The following PKHD1 variants were observed in gnomAD, a reference collection of about 807,000 sequenced individuals.
The protein encoded by PKHD1 is fibrocystin.
In PKHD1, 291 loss-of-function variants were observed where a neutral mutation model predicts 412.0. The observed-to-expected ratio is 0.71, with a 90% confidence interval of 0.64 to 0.78. The LOEUF (loss-of-function observed/expected upper bound fraction) is 0.78. Ranked by LOEUF, PKHD1 falls within the 30% of genes least tolerant of loss-of-function variation. The pLI is 0.00. For synonymous variants in PKHD1, 1,777 were observed against 1,821.5 expected (o/e 0.98, Z 0.62); for missense variants, 4,825 against 4,950.7 (o/e 0.97, Z 0.76).
At chr6:51,950,220 A>AAAAAAAAAAAAAAAAAAAATAT in intron 36 of PKHD1, among the ~76,000 whole-genome samples, 6 of 98,294 alleles carry the variant, frequency 6.1e-5, no homozygotes, top group African/African-American at 2.3e-4. Flanking sequence ...GAAAAAAAAA[A>AAAAAAAAAAAAAAAAAAAATAT]ATATATATAT....
chr6:51,911,671 T>C (rs1782955654), intron 39 of PKHD1, 128 bp downstream of exon 39: 1 of 798,388 alleles, frequency 1.3e-6, no homozygotes, highest in Non-Finnish European at 2.2e-6. Context: ...TACAGAAAAG[T>C]ATGGGCATCC....
chr6:51,650,388 T>C (rs1399896346), intron 61 of PKHD1, among the ~76,000 whole-genome samples: 4 of 152,100 alleles, frequency 2.6e-5, no homozygotes, highest in Admixed American at 2.0e-4. Flanking sequence ...GACCCTGACA[T>C]AGAGCAACCC....
At chr6:51,964,157 G>T (rs2127966431) in intron 35 of PKHD1, among the ~76,000 whole-genome samples, 2 of 152,228 alleles carry the variant, frequency 1.3e-5, no homozygotes, top group Middle Eastern at 6.8e-3. Context: ...CAGGGAATGT[G>T]CAGTGTCTGC....
At chr6:51,635,340 G>A (rs1257499394) in intron 64 of PKHD1, among the ~76,000 whole-genome samples, 4 of 152,114 alleles carry the variant, frequency 2.6e-5, no homozygotes, top group African/African-American at 7.2e-5. Flanking sequence ...GTGACCAGGC[G>A]AAATTATCTA....
rs79249862 is a variant in PKHD1, at chr6:51,791,959, T to A, written c.8303-586A>T. On this transcript the variant is annotated intron_variant, in intron 52 of 66. Transcript: ENST00000371117. ...GTGGTTATACAATGTTAGTAAGCTA[T>A]CTCTAATTCCCTAAGTCCCATTGTG... Among the ~76,000 whole-genome samples, 204 of 152,200 alleles carry A rather than the reference T, an allele frequency of 1.3e-3. 2 individuals carry two copies. In the East Asian group the frequency reaches 0.038, roughly 28 times the overall value.
At chr6:51,793,752 T>C (rs1042768734) in intron 52 of PKHD1, among the ~76,000 whole-genome samples, 5 of 152,336 alleles carry the variant, frequency 3.3e-5, no homozygotes, top group Admixed American at 3.3e-4. Flanking sequence ...ATGTACCACA[T>C]TTTCTGTATC....
chr6:51,808,357 G>A (rs760453491), intron 52 of PKHD1, among the ~76,000 whole-genome samples: 17 of 152,006 alleles, frequency 1.1e-4, no homozygotes, highest in Non-Finnish European at 2.4e-4. Flanking sequence ...TGGAAGACAT[G>A]GGTGAAGGGA....
chr6:51,636,149 T>A (rs2150317265), intron 64 of PKHD1, among the ~76,000 whole-genome samples: 1 of 152,308 alleles, frequency 6.6e-6, no homozygotes, highest in South Asian at 2.1e-4. Context: ...CCATAAATAC[T>A]TGGGCAGATC....
At position 51,619,124 on chromosome 6, in the gene PKHD1, C is replaced by T. The variant is rs1766288979; in HGVS notation, c.12182G>A (p.Cys4061Tyr). ...KASCGATEAF[C>Y]LHSVHPETIQ... The stretch of plus-strand genomic sequence containing the variant: ...AGTTTCCGGGTGTACTGAATGAAGG[C>T]AGAATGCCTCAGTGGCCCCGCAGGA... The change falls in exon 67 of 67, where the codon TGC (cysteine) becomes TAC (tyrosine). Residue 4061 changes from cysteine to tyrosine, a missense_variant. Coordinates refer to ENST00000371117, the MANE Select transcript of PKHD1 (RefSeq NM_138694.4). The T allele has an allele frequency of 6.2e-7, 1 of 1,614,256 alleles. No individual in the cohort carries two copies. Among genetic ancestry groups the T allele is most frequent in the Non-Finnish European group, 8.5e-7 (1 of 1,180,030 alleles).
At chr6:51,883,461 CA>C (rs1777706072) in intron 45 of PKHD1, among the ~76,000 whole-genome samples, 1 of 152,250 alleles carries the variant, frequency 6.6e-6, no homozygotes, top group Admixed American at 6.5e-5. Flanking sequence ...ATAACCAATA[CA>C]TTAAAAAGAT....
chr6:51,832,913 AC>A (rs1768517379), intron 51 of PKHD1, among the ~76,000 whole-genome samples: 2 of 152,134 alleles, frequency 1.3e-5, no homozygotes, highest in Non-Finnish European at 2.9e-5. Context: ...TATACCACAC[AC>A]CTTGGGAATA....
intron 35 of PKHD1, among the ~76,000 whole-genome samples, chr6:51,988,337 TATA>T (rs1339277288): frequency 1.3e-5 from 2 of 152,174 alleles, no homozygotes; most frequent in African/African-American, 2.4e-5. Context: ...TTATTTTAAA[TATA>T]ATATCTCAAA....
Position 51,787,146 on chromosome 6 carries a change from T to C in PKHD1, c.8440+4090A>G, listed in dbSNP as rs9367453. Among the ~76,000 whole-genome samples the C allele has an allele frequency of 8.0e-4, 122 of 151,574 alleles. 1 individual carries two copies. Among genetic ancestry groups the C allele is most frequent in the Admixed American group, 8.0e-3 (122 of 15,242 alleles). On this transcript the variant is annotated intron_variant, in intron 53 of 66. Coordinates refer to ENST00000371117, the MANE Select transcript of PKHD1 (RefSeq NM_138694.4). ...GAGGCCAAGGCAGGCGGATCACGAG[T>C]TCAGGAGTTCAAGACCAGCCTGGCC...
intron 33 of PKHD1, among the ~76,000 whole-genome samples, chr6:52,021,315 C>T (rs1801360402): frequency 6.6e-6 from 1 of 152,190 alleles, no homozygotes; most frequent in South Asian, 2.1e-4. Context: ...AATATCACAA[C>T]TTACCTGATC....
At chr6:52,028,044 TTAACCTC>T in intron 30 of PKHD1, 105 bp downstream of exon 30, 2 of 1,256,590 alleles carry the variant, frequency 1.6e-6, no homozygotes, top group Non-Finnish European at 2.3e-6. Context: ...GTTCATGTCT[TTAACCTC>T]TAACTTCCAA....
At chr6:51,936,613 A>G (rs1400524258) in intron 36 of PKHD1, among the ~76,000 whole-genome samples, 2 of 152,162 alleles carry the variant, frequency 1.3e-5, no homozygotes, top group Non-Finnish European at 2.9e-5. Context: ...AAGTCCCCCA[A>G]ACCAACTGAA....
intron 60 of PKHD1, among the ~76,000 whole-genome samples, chr6:51,694,349 A>G (rs999606773): frequency 6.6e-5 from 10 of 151,882 alleles, no homozygotes; most frequent in African/African-American, 2.4e-4. Context: ...CCACTCTTCC[A>G]TATGGATTTC....
Position 51,867,931 on chromosome 6 carries a change from G to A in PKHD1, c.7665C>T (p.Ser2555=), listed in dbSNP as rs373409786. 9 of 1,612,924 alleles carry A rather than the reference G, an allele frequency of 5.6e-6. No individual in the cohort carries two copies. The African/African-American group carries it at 1.2e-4, about 22-fold the overall frequency. The change falls in exon 48 of 67, where the codon AGC becomes AGT. Residue 2555 remains serine (S), a synonymous_variant. Transcript: ENST00000371117. ...TLSASCLVNS[S]FGRVVHGSAC... ...CACTGCCATGGACAACCCGACCAAAGCTTGAATTGACCAAACAAGAAGCTG... is the reference window on the plus strand; with the variant it reads ...CACTGCCATGGACAACCCGACCAAAACTTGAATTGACCAAACAAGAAGCTG...
At chr6:51,729,162 T>C (rs1209723492) in intron 60 of PKHD1, among the ~76,000 whole-genome samples, 1 of 152,256 alleles carries the variant, frequency 6.6e-6, no homozygotes, top group African/African-American at 2.4e-5. Flanking sequence ...CCTTCCTTCA[T>C]GGCAATGACT....
Sources: allele counts gnomAD v4.1 joint callset (sites outside exome capture counted in the v4.1 genomes callset), GRCh38; gene constraint gnomAD v4.1.1; transcripts MANE v1.5; gene names NCBI Gene and HGNC (gene_info 2026-07-23, HGNC 2026-07-21).